Variants in FUT8 observed in about 807,000 individuals in gnomAD.
FUT8 encodes alpha-(1,6)-fucosyltransferase.
FUT8 carries 29 observed loss-of-function variants against 71.3 expected under a neutral mutation model. That is an observed-to-expected ratio of 0.41 (90% CI 0.30 to 0.55). The LOEUF is 0.55. FUT8 is among the 20% of genes least tolerant of loss of function. The pLI is 0.34. For synonymous variants in FUT8, 254 were observed against 239.3 expected (o/e 1.06, Z -0.57); for missense variants, 544 against 702.1 (o/e 0.77, Z 2.55).
At chr14:65,512,409 C>T (rs935912986) in intron 2 of FUT8, among the ~76,000 whole-genome samples, 8 of 152,096 alleles carry the variant, frequency 5.3e-5, no homozygotes, top group South Asian at 2.1e-4. Flanking sequence ...CAAGAGATCC[C>T]CTGCCTTGGC....
At chr14:65,377,932 G>A in the FUT8 span, among the ~76,000 whole-genome samples, 1 of 152,198 alleles carries the variant, frequency 6.6e-6, no homozygotes, top group Non-Finnish European at 1.5e-5. Flanking sequence ...TGAGTCATAT[G>A]ACAATCTCAG....
At chr14:65,691,816 C>G (rs910920188) in intron 7 of FUT8, among the ~76,000 whole-genome samples, 2 of 151,808 alleles carry the variant, frequency 1.3e-5, no homozygotes, top group Non-Finnish European at 2.9e-5. Context: ...AACGAGCATG[C>G]TGCCTTCAAG....
intron 2 of FUT8, among the ~76,000 whole-genome samples, chr14:65,492,977 C>T (rs895997712): frequency 1.3e-5 from 2 of 152,054 alleles, no homozygotes; most frequent in African/African-American, 4.8e-5. Context: ...CTCCCCATCT[C>T]TCTCCCTGCC....
chr14:65,688,791 C>A (rs933182454), intron 7 of FUT8, among the ~76,000 whole-genome samples: 2 of 152,172 alleles, frequency 1.3e-5, no homozygotes, highest in Admixed American at 6.5e-5. Flanking sequence ...GCCAAATTAT[C>A]TTCCAAAACG....
chr14:65,443,688 C>A (rs1485091037), intron 1 of FUT8, among the ~76,000 whole-genome samples: 6 of 150,344 alleles, frequency 4.0e-5, no homozygotes, highest in Admixed American at 4.0e-4. Context: ...CCACTGCTCT[C>A]CAGCCTAGGC....
rs919243012 is a variant in FUT8 at position 65,467,918 on chromosome 14, G to T, written c.-228+12200G>T. On this transcript the variant is annotated intron_variant, in intron 2 of 10. Coordinates refer to ENST00000673929, the MANE Select transcript of FUT8 (RefSeq NM_001371533.1). This position sits in a 1 kb window ranked among gnomAD's most constrained non-coding sequence, Gnocchi z 4.1. ...CAGGCTGGTGCTTCAGTAGAACCCGGGTACCTTTCTCTTTGGCTTCTTTCT... is the reference window on the plus strand; with the variant it reads ...CAGGCTGGTGCTTCAGTAGAACCCGTGTACCTTTCTCTTTGGCTTCTTTCT... 6 of 749,776 alleles carry T rather than the reference G, an allele frequency of 8.0e-6. No individual in the cohort carries two copies. Among genetic ancestry groups the T allele is most frequent in the Non-Finnish European group, 1.5e-5 (6 of 400,854 alleles). 46.4% of individuals were successfully genotyped at this position (749,776 alleles called of 1,614,324 possible).
chr14:65,461,472 A>T (rs1318803109), intron 2 of FUT8, among the ~76,000 whole-genome samples: 1 of 152,212 alleles, frequency 6.6e-6, no homozygotes, highest in Non-Finnish European at 1.5e-5. Flanking sequence ...AACTGTATGT[A>T]GGTACAGTGT....
chr14:65,668,430 A>G (rs1200948116), intron 6 of FUT8, among the ~76,000 whole-genome samples: 1 of 152,226 alleles, frequency 6.6e-6, no homozygotes, highest in Non-Finnish European at 1.5e-5. Context: ...TACACAGTCA[A>G]TACGTATCAA....
Position 65,541,783 on chromosome 14 carries a change from A to G in FUT8, c.-227-19554A>G, listed in dbSNP as rs200268746. ...ACGTTGACATAAAAAATTAACCATT[A>G]TAAGATATTTTGGTTTTCATTCACA... On this transcript the variant is annotated intron_variant, in intron 2 of 10. Transcript: ENST00000673929. 2.0e-5 allele frequency among the ~76,000 whole-genome samples: 3 copies of G among 152,344 alleles called. No individual in the cohort carries two copies. In the East Asian group the frequency reaches 5.8e-4, roughly 29 times the overall value.
chr14:65,407,461 G>T (rs572876357), upstream of FUT8, among the ~76,000 whole-genome samples: 22 of 152,096 alleles, frequency 1.4e-4, no homozygotes, highest in South Asian at 2.9e-3. Context: ...TGTTTTTAAT[G>T]TATCCAATAT....
chr14:65,743,501 T>C lies in FUT8; in HGVS notation c.*1091T>C, dbSNP rs1896600835. On this transcript the variant is annotated 3_prime_UTR_variant, in exon 11 of 11. Coordinates refer to ENST00000673929, the MANE Select transcript of FUT8 (RefSeq NM_001371533.1). The stretch of plus-strand genomic sequence containing the variant: ...GTTTGTTTGGTAGTCTTTCTTAATG[T>C]ATTTATTATCGCTTTTTGTGAGTAG... 1 of 151,906 alleles carries C rather than the reference T, an allele frequency of 6.6e-6. No individual in the cohort carries two copies. Among genetic ancestry groups the C allele is most frequent in the Non-Finnish European group, 1.5e-5 (1 of 67,898 alleles). The allele number at this position is 151,906 out of a possible 1,614,324, so 9.4% of individuals were successfully genotyped here.
chr14:65,462,029 C>A (rs567123401), intron 2 of FUT8, among the ~76,000 whole-genome samples: 39 of 152,192 alleles, frequency 2.6e-4, no homozygotes. Context: ...TTTCAATTTC[C>A]TCATAGATAA....
chr14:65,629,511 T>C lies in FUT8; in HGVS notation c.502T>C (p.Tyr168His). 1 of 1,613,174 alleles carries C rather than the reference T, an allele frequency of 6.2e-7. No homozygotes were observed. Among genetic ancestry groups the C allele is most frequent in the South Asian group, 1.1e-5 (1 of 91,062 alleles). Residue 168 changes from tyrosine (Y) to histidine (H), a missense_variant, in exon 6 of 11, where the codon TAC becomes CAC. Transcript: ENST00000673929. ...TAACAGGTCTATAATGACGGATCTATACTACCTCAGTCAGACAGATGGAGC... is the reference window on the plus strand; with the variant it reads ...TAACAGGTCTATAATGACGGATCTACACTACCTCAGTCAGACAGATGGAGC... ...HHERSIMTDL[Y>H]YLSQTDGAGD... is the part of the protein sequence containing the mutation.
intron 7 of FUT8, among the ~76,000 whole-genome samples, chr14:65,708,989 G>T (rs754427888): frequency 6.6e-6 from 1 of 152,028 alleles, no homozygotes; most frequent in East Asian, 1.9e-4. Flanking sequence ...ATTGCTAAAA[G>T]AATTTATTTC....
rs74056804 is a variant in FUT8 at position 65,720,652 on chromosome 14, A to G, written c.836-1123A>G. Among the ~76,000 whole-genome samples the G allele has an allele frequency of 8.1e-3, 1,237 of 152,272 alleles. 11 individuals carry two copies. The highest frequency in any genetic ancestry group is 0.024 in the African/African-American group (1,012 of 41,552). ...CTAGGTTACGTGCCCCCTAGGTCCA[A>G]TGACTCTCGAACCCAGCACAGCACT... On this transcript the variant is annotated intron_variant, in intron 7 of 10. Coordinates refer to ENST00000673929, the MANE Select transcript of FUT8 (RefSeq NM_001371533.1).
chr14:65,517,617 A>T (rs534338816), intron 2 of FUT8, among the ~76,000 whole-genome samples: 61 of 152,306 alleles, frequency 4.0e-4, no homozygotes, highest in African/African-American at 1.4e-3. Context: ...GGGTGATCAT[A>T]TCAACATGGA....
intron 1 of FUT8, among the ~76,000 whole-genome samples, chr14:65,417,559 C>T (rs183578030): frequency 6.6e-6 from 1 of 152,242 alleles, no homozygotes; most frequent in Admixed American, 6.5e-5. Context: ...TACTTTTGTA[C>T]TCTTACTGAA....
chr14:65,532,797 G>A (rs986035980), intron 2 of FUT8, among the ~76,000 whole-genome samples: 6 of 152,136 alleles, frequency 3.9e-5, no homozygotes, highest in African/African-American at 1.4e-4. Flanking sequence ...AATCCGTCTT[G>A]AGTTGATTTT....
chr14:65,547,585 GT>G (rs1010185858), intron 2 of FUT8, among the ~76,000 whole-genome samples: 1 of 151,574 alleles, frequency 6.6e-6, no homozygotes, highest in Non-Finnish European at 1.5e-5. Flanking sequence ...TTACATTCAA[GT>G]TTCTATCCAC....
Sources: gnomAD v4.1 joint callset for allele counts (sites outside exome capture counted in the v4.1 genomes callset) on GRCh38, gnomAD v4.1.1 for gene constraint, Gnocchi (gnomAD v3.1) non-coding constraint, MANE v1.5 for transcripts, NCBI Gene and HGNC (gene_info 2026-07-23, HGNC 2026-07-21) for gene names.